Variants in FBXO22 observed in about 807,000 individuals in gnomAD.
The protein encoded by FBXO22 is F-box protein 22, also known as F-box only protein 22.
FBXO22 carries 13 observed loss-of-function variants against 37.2 expected under a neutral mutation model. That is an observed-to-expected ratio of 0.35 (90% CI 0.23 to 0.56). The LOEUF is 0.56. FBXO22 is among the 20% of genes least tolerant of loss of function. The pLI is 0.87. For synonymous variants in FBXO22, 189 were observed against 189.1 expected (o/e 1.00, Z 0.00); for missense variants, 446 against 509.9 (o/e 0.87, Z 1.21).
chr15:75,927,275 A>T (rs1203834252), intron 5 of FBXO22, among the ~76,000 whole-genome samples: 4 of 152,144 alleles, frequency 2.6e-5, no homozygotes, highest in Non-Finnish European at 5.9e-5. Flanking sequence ...AGATTTTTTT[A>T]AAATTTTCCT....
chr15:75,904,272 C>T (rs1182237121), intron 1 of FBXO22, 169 bp downstream of exon 1: 33 of 1,146,894 alleles, frequency 2.9e-5, no homozygotes, highest in Non-Finnish European at 3.8e-5. Flanking sequence ...AGCCGTGGTG[C>T]CCCGGGGGGA....
intron 5 of FBXO22, among the ~76,000 whole-genome samples, chr15:75,921,846 A>G (rs941520134): frequency 2.6e-5 from 4 of 152,106 alleles, no homozygotes; most frequent in Non-Finnish European, 4.4e-5. Flanking sequence ...AGTCAAGATA[A>G]TATCACTGTC....
intron 4 of FBXO22, among the ~76,000 whole-genome samples, chr15:75,916,043 A>G (rs1378750162): frequency 8.1e-6 from 1 of 123,590 alleles, no homozygotes; most frequent in Non-Finnish European, 1.6e-5. Flanking sequence ...TGACAGAGTA[A>G]GACTCTGTCT....
intron 2 of FBXO22, among the ~76,000 whole-genome samples, chr15:75,912,355 T>C (rs1180199664): frequency 1.3e-5 from 2 of 152,204 alleles, no homozygotes; most frequent in Admixed American, 6.5e-5. Context: ...TATTAGTTCC[T>C]CTTTGTACCT....
intron 5 of FBXO22, 60 bp downstream of exon 5, chr15:75,917,454 T>A: frequency 7.8e-7 from 1 of 1,277,242 alleles, no homozygotes; most frequent in East Asian, 2.4e-5. Context: ...GTTTTCTTTT[T>A]AATTCTGGCT....
rs2030928108 is a variant in FBXO22, at chr15:75,941,276, A to G, written c.*8174A>G. ...GGATAGCTCTTATTAAAATTAAAAAAACACACAAGTGTTGGCAAGGATGTG... is the reference window on the plus strand; with the variant it reads ...GGATAGCTCTTATTAAAATTAAAAAGACACACAAGTGTTGGCAAGGATGTG... On this transcript the variant is annotated 3_prime_UTR_variant, in exon 7 of 7. Coordinates refer to ENST00000308275, the MANE Select transcript of FBXO22 (RefSeq NM_147188.3). 6.6e-6 allele frequency: 1 copy of G among 152,210 alleles called. No individual in the cohort carries two copies. The highest frequency in any genetic ancestry group is 1.5e-5 in the Non-Finnish European group (1 of 68,006). The allele number at this position is 152,210 out of a possible 1,614,324, so 9.4% of individuals were successfully genotyped here.
intron 5 of FBXO22, among the ~76,000 whole-genome samples, chr15:75,923,765 A>T (rs754003902): frequency 1.2e-4 from 19 of 152,120 alleles, no homozygotes; most frequent in Admixed American, 2.0e-4. Context: ...AGTTAAAATA[A>T]TTTTTTTTAA....
At chr15:75,917,112 C>G (rs1162175062) in intron 4 of FBXO22, 118 bp from the exon 5 acceptor site, 3 of 728,446 alleles carry the variant, frequency 4.1e-6, no homozygotes, top group East Asian at 2.7e-5. Flanking sequence ...ACTGTCAAAG[C>G]TGAAAAACTT....
rs527999497 is a variant in FBXO22 at position 75,904,330 on chromosome 15, T to A, written c.141-161T>A. On this transcript the variant is annotated intron_variant, in intron 1 of 6. Transcript: ENST00000308275. ...CCTTAAGGTTTTCTCCATATCTGGC[T>A]CTTCTTCCGAACTAGCGCCCTGACT... 3,137 of 1,182,446 alleles carry A rather than the reference T, an allele frequency of 2.7e-3. 10 individuals are homozygous for A. Among genetic ancestry groups the A allele is most frequent in the Non-Finnish European group, 3.4e-3 (2,838 of 833,302 alleles). 73.2% of individuals were successfully genotyped at this position (1,182,446 alleles called of 1,614,324 possible). A position where few individuals can be genotyped will look rare whatever the true frequency, so the allele number is the denominator to read the frequency against.
chr15:75,915,998 G>A (rs1900175042), intron 4 of FBXO22, among the ~76,000 whole-genome samples: 1 of 147,368 alleles, frequency 6.8e-6, no homozygotes, highest in Non-Finnish European at 1.5e-5. Context: ...TGGAAACCGG[G>A]AGGCAGAGGT....
intron 3 of FBXO22, 44 bp from the exon 4 acceptor site, chr15:75,914,066 T>A: frequency 7.1e-7 from 1 of 1,414,130 alleles, no homozygotes; most frequent in Non-Finnish European, 9.9e-7. Flanking sequence ...CAGATTTGAC[T>A]TTAAATGGAT....
Position 75,914,183 on chromosome 15 carries a change from G to A in FBXO22, c.441G>A (p.Gly147=). 1 of 1,613,142 alleles carries A rather than the reference G, an allele frequency of 6.2e-7. No homozygotes were observed. Among genetic ancestry groups the A allele is most frequent in the Non-Finnish European group, 8.5e-7 (1 of 1,179,346 alleles). Residue 147 remains glycine (G), a synonymous_variant, in exon 4 of 7, where the codon GGG becomes GGA. Transcript: ENST00000308275. ...TCCCCAAACAATGCCAAGTCCTTGG[G>A]ATTGTGACCCCAGGAATTGTAGGTG... ...KLFPKQCQVL[G]IVTPGIVVTP...
rs939094275 is a variant in FBXO22 at position 75,913,061 on chromosome 15, G to A, written c.280-142G>A. On this transcript the variant is annotated intron_variant, in intron 2 of 6. Coordinates refer to ENST00000308275, the MANE Select transcript of FBXO22 (RefSeq NM_147188.3). ...CAGTAGCAGGTTGTTCAGTTTCCAT[G>A]TAGTTGTGTGGTTTTGAGTGAGTTT... 5.8e-6 allele frequency: 3 copies of A among 518,714 alleles called. No homozygotes were observed. In the East Asian group the frequency reaches 9.7e-5, roughly 17 times the overall value. 32.1% of individuals were successfully genotyped at this position (518,714 alleles called of 1,614,324 possible). A position where few individuals can be genotyped will look rare whatever the true frequency, so the allele number is the denominator to read the frequency against.
chr15:75,925,675 T>TAG (rs1900422931), intron 5 of FBXO22, among the ~76,000 whole-genome samples: 1 of 137,474 alleles, frequency 7.3e-6, no homozygotes, highest in African/African-American at 2.7e-5. Flanking sequence ...AAGCTAGTGT[T>TAG]AAAAAAAAAA....
Position 75,938,846 on chromosome 15 carries a change from A to C in FBXO22, c.*5744A>C, listed in dbSNP as rs1020128626. 6.6e-6 allele frequency: 1 copy of C among 152,190 alleles called. No individual in the cohort carries two copies. The highest frequency in any genetic ancestry group is 1.5e-5 in the Non-Finnish European group (1 of 68,014). The allele number at this position is 152,190 out of a possible 1,614,324, so 9.4% of individuals were successfully genotyped here. On this transcript the variant is annotated 3_prime_UTR_variant, in exon 7 of 7. Transcript: ENST00000308275. ...ACAAAAGGAAAATTGGAAAATTCAC[A>C]AACTTGTGGAAATTAAACAAAACAC...
intron 5 of FBXO22, among the ~76,000 whole-genome samples, chr15:75,928,629 G>A (rs1181517883): frequency 6.6e-6 from 1 of 152,122 alleles, no homozygotes; most frequent in African/African-American, 2.4e-5. Flanking sequence ...AATAACTAAT[G>A]GAGAATGGGC....
intron 5 of FBXO22, among the ~76,000 whole-genome samples, chr15:75,918,215 G>C (rs778218110): frequency 1.3e-5 from 2 of 151,960 alleles, no homozygotes. Context: ...AAACCAGCTG[G>C]AGTAAAAAAT....
chr15:75,933,954 T>C lies in FBXO22; in HGVS notation c.*852T>C, dbSNP rs1336873811. ...TCCTGTCATATTCCCAGTAGAATGA[T>C]TTTCAAGTTTGAATTTCTGTACAAA... is the stretch of plus-strand genomic sequence containing the variant. On this transcript the variant is annotated 3_prime_UTR_variant, in exon 7 of 7. Coordinates refer to ENST00000308275, the MANE Select transcript of FBXO22 (RefSeq NM_147188.3). The C allele has an allele frequency of 6.5e-6, 1 of 153,634 alleles. No homozygotes were observed. Among genetic ancestry groups the C allele is most frequent in the Non-Finnish European group, 1.5e-5 (1 of 68,840 alleles). The allele number at this position is 153,634 out of a possible 1,614,324, so 9.5% of individuals were successfully genotyped here.
rs764037110 is a variant in FBXO22 at position 75,904,476 on chromosome 15, C to T, written c.141-15C>T. On this transcript the variant is annotated splice_polypyrimidine_tract_variant and intron_variant, in intron 1 of 6. Transcript: ENST00000308275. Reference sequence around the variant, plus strand: ...GAACGTCCGTTCGCAATCCTTTGTGCGTTTGCGTCCTCAGCGTGTGCCGCT... The same window carrying T: ...GAACGTCCGTTCGCAATCCTTTGTGTGTTTGCGTCCTCAGCGTGTGCCGCT... 7.4e-6 allele frequency: 12 copies of T among 1,613,500 alleles called. No homozygotes were observed. Among genetic ancestry groups the T allele is most frequent in the Non-Finnish European group, 1.0e-5 (12 of 1,179,746 alleles).
Sources: gnomAD v4.1 joint callset for allele counts (sites outside exome capture counted in the v4.1 genomes callset) on GRCh38, gnomAD v4.1.1 for gene constraint, MANE v1.5 for transcripts, NCBI Gene and HGNC (gene_info 2026-07-23, HGNC 2026-07-21) for gene names.